EVC2: variants seen among roughly 807,000 people sequenced by gnomAD.
EVC2 encodes EvC ciliary complex subunit 2.
EVC2 carries 148 observed loss-of-function variants against 149.3 expected under a neutral mutation model. That is an observed-to-expected ratio of 0.99 (90% confidence interval 0.87 to 1.14). The LOEUF (loss-of-function observed/expected upper bound fraction) is 1.14, where lower values mean the gene tolerates loss of function less well. EVC2 is among the 50% of genes most tolerant of loss of function. EVC2 has a pLI of 0.00. For synonymous variants in EVC2, 776 were observed against 649.9 expected (o/e 1.19, Z -2.95); for missense variants, 1,854 against 1,627.3 (o/e 1.14, Z -2.40).
intron 1 of EVC2, among the ~76,000 whole-genome samples, chr4:5,702,181 G>A (rs756732803): frequency 1.3e-5 from 2 of 152,070 alleles, no homozygotes; most frequent in East Asian, 1.9e-4. Flanking sequence ...TCGGGGATCC[G>A]CTCAGCTGTC....
chr4:5,638,471 C>T (rs892721785), intron 10 of EVC2, among the ~76,000 whole-genome samples: 8 of 152,016 alleles, frequency 5.3e-5, no homozygotes, highest in Middle Eastern at 3.4e-3. Flanking sequence ...GCTGAATCAC[C>T]GAACAGTGCA....
At chr4:5,538,867 A>T (rs559592412), downstream of EVC2, among the ~76,000 whole-genome samples, 89 of 152,306 alleles carry the variant, frequency 5.8e-4, no homozygotes, top group Non-Finnish European at 1.1e-3. Context: ...TATCATACTC[A>T]ATGGTGAACA....
rs1227016096 is a variant in EVC2 at position 5,565,312 on chromosome 4, TCTC to T, written c.3602_3604del (p.Gly1201del). ...CTTTTCTAATCCTCTGCTTATCAGA[TCTC>T]CTCGCAGTTTGCCATCTAAGGCTTG... is the stretch of plus-strand genomic sequence containing the variant. On this transcript the variant is annotated inframe_deletion, in exon 21 of 22. Coordinates refer to ENST00000344408, the MANE Select transcript of EVC2 (RefSeq NM_147127.5). 4 of 1,613,950 alleles carry T rather than the reference TCTC, an allele frequency of 2.5e-6. No individual in the cohort carries two copies. The highest frequency in any genetic ancestry group is 1.6e-4 in the Middle Eastern group (1 of 6,082).
chr4:5,588,306 T>C (rs35655900), intron 16 of EVC2, among the ~76,000 whole-genome samples: 1 of 152,208 alleles, frequency 6.6e-6, no homozygotes, highest in Admixed American at 6.5e-5. Context: ...CTTCCTTCAG[T>C]TGCTTTGAAG....
At chr4:5,620,807 T>C (rs1715634330) in intron 14 of EVC2, among the ~76,000 whole-genome samples, 1 of 152,120 alleles carries the variant, frequency 6.6e-6, no homozygotes, top group Admixed American at 6.5e-5. Flanking sequence ...TTGAAGAAAA[T>C]GACCAGCTGG....
At chr4:5,547,449 G>A (rs995275316) in intron 21 of EVC2, among the ~76,000 whole-genome samples, 8 of 152,220 alleles carry the variant, frequency 5.3e-5, no homozygotes, top group African/African-American at 1.9e-4. Flanking sequence ...GGGAGGATCT[G>A]TAGGCTGGGG....
rs116514447 is a variant in EVC2, at chr4:5,618,583, G to A, written c.2601C>T (p.Ala867=). The change falls in exon 15 of 22, where the codon GCC becomes GCT. Residue 867 remains alanine (A), a synonymous_variant. Coordinates refer to ENST00000344408, the MANE Select transcript of EVC2 (RefSeq NM_147127.5). The surrounding 1 kb of genome is among the most constrained non-coding windows in gnomAD (Gnocchi z 4.4). ...GAACTCGGGCCCGGATCTTGGGGAG[G>A]GCCAAGCTCCTGTCCATCTGAGCAA... The part of the protein sequence containing the change: ...GCFAQMDRSL[A]LPKIRARVLL... The A allele has an allele frequency of 5.9e-3, 9,454 of 1,614,094 alleles. 34 individuals carry two copies. Among genetic ancestry groups the A allele is most frequent in the Non-Finnish European group, 7.3e-3 (8,596 of 1,180,000 alleles).
chr4:5,676,401 T>G (rs1406459304), intron 7 of EVC2, among the ~76,000 whole-genome samples: 1 of 152,218 alleles, frequency 6.6e-6, no homozygotes, highest in Non-Finnish European at 1.5e-5. Flanking sequence ...TTACCTTGTA[T>G]TTTTAAACTG....
Position 5,605,485 on chromosome 4 carries a change from A to AGATG in EVC2, c.2829+9933_2829+9936dup, listed in dbSNP as rs557642905. 3.2e-4 allele frequency among the ~76,000 whole-genome samples: 49 copies of AGATG among 151,864 alleles called. No individual in the cohort carries two copies. In the East Asian group the frequency reaches 6.2e-3, roughly 19 times the overall value. The stretch of plus-strand genomic sequence containing the variant: ...TCAGATAGACAGATGACAGATAGAT[A>AGATG]GATGGATGGATGGATGGATAGATAA... On this transcript the variant is annotated intron_variant, in intron 16 of 21. Transcript: ENST00000344408.
At chr4:5,701,259 T>C (rs1721808164) in intron 1 of EVC2, among the ~76,000 whole-genome samples, 1 of 152,230 alleles carries the variant, frequency 6.6e-6, no homozygotes, top group South Asian at 2.1e-4. Flanking sequence ...ATTATTACAC[T>C]GGAACCATCA....
At chr4:5,607,082 C>G (rs963643164) in intron 16 of EVC2, among the ~76,000 whole-genome samples, 1 of 152,138 alleles carries the variant, frequency 6.6e-6, no homozygotes, top group South Asian at 2.1e-4. Context: ...ACAGCCAAAC[C>G]TATATTGTGT....
At chr4:5,539,050 C>G (rs1038822213), downstream of EVC2, among the ~76,000 whole-genome samples, 1 of 152,026 alleles carries the variant, frequency 6.6e-6, no homozygotes, top group Non-Finnish European at 1.5e-5. Flanking sequence ...AATAGAAAAC[C>G]TGATAGAATC....
intron 19 of EVC2, among the ~76,000 whole-genome samples, chr4:5,571,357 G>A (rs1429090319): frequency 2.1e-5 from 3 of 145,518 alleles, no homozygotes; most frequent in African/African-American, 7.6e-5. Flanking sequence ...TTGATACAAT[G>A]TACACTGTTC....
At chr4:5,704,303 A>G (rs1043684158) in intron 1 of EVC2, among the ~76,000 whole-genome samples, 8 of 152,260 alleles carry the variant, frequency 5.3e-5, no homozygotes, top group Admixed American at 5.2e-4. Context: ...AACCCATGCG[A>G]TATGCTGACT....
intron 16 of EVC2, among the ~76,000 whole-genome samples, chr4:5,596,668 G>GC (rs1381398458): frequency 1.3e-5 from 2 of 152,140 alleles, no homozygotes; most frequent in African/African-American, 2.4e-5. Context: ...AACTACAGAA[G>GC]TAAGAGCAAA....
At chr4:5,534,818 GAAAAA>G in the EVC2 span, among the ~76,000 whole-genome samples, 1 of 66,882 alleles carries the variant, frequency 1.5e-5, no homozygotes. Context: ...CATCTGGTAG[GAAAAA>G]AAAAAAAAAA....
chr4:5,531,820 A>G, the EVC2 span, among the ~76,000 whole-genome samples: 2 of 152,094 alleles, frequency 1.3e-5, no homozygotes, highest in Non-Finnish European at 2.9e-5. Context: ...AAAGTGCACA[A>G]TAAATATAAT....
At chr4:5,554,476 C>T (rs1721796068) in intron 21 of EVC2, among the ~76,000 whole-genome samples, 1 of 152,170 alleles carries the variant, frequency 6.6e-6, no homozygotes, top group Admixed American at 6.5e-5. Flanking sequence ...GCAACCTCAC[C>T]AGATGATCAT....
Position 5,650,846 on chromosome 4 carries a change from A to G in EVC2, c.1146-10008T>C, listed in dbSNP as rs538373629. On this transcript the variant is annotated intron_variant, in intron 9 of 21. Transcript: ENST00000344408. ...GTTTCTCCAGAGTCCTTGCTGTACC[A>G]TCTGTCCTACTGTCTCAAAACGGCA... Among the ~76,000 whole-genome samples the G allele has an allele frequency of 5.3e-5, 8 of 152,248 alleles. No homozygotes were observed. In the South Asian group the frequency reaches 1.5e-3, roughly 28 times the overall value.
Sources: gnomAD v4.1 joint callset for allele counts (sites outside exome capture counted in the v4.1 genomes callset) on GRCh38, gnomAD v4.1.1 for gene constraint, Gnocchi (gnomAD v3.1) non-coding constraint, MANE v1.5 for transcripts, NCBI Gene and HGNC (gene_info 2026-07-23, HGNC 2026-07-21) for gene names.